The following XKR4 variants were observed in gnomAD, a reference collection of about 807,000 sequenced individuals.
XKR4 encodes the protein XK related 4, also known as XK-related protein 4.
In XKR4, 12 loss-of-function variants were observed where a neutral mutation model predicts 53.9. The observed-to-expected ratio is 0.22, with a 90% CI of 0.14 to 0.36. The LOEUF (loss-of-function observed/expected upper bound fraction) is 0.36, where lower values mean the gene tolerates loss of function less well. Among genes scored for constraint, XKR4 ranks in the 10% least tolerant of loss-of-function variants. The pLI, the probability that XKR4 is intolerant of heterozygous loss-of-function variation, is 1.00. For synonymous variants in XKR4, 354 were observed against 362.4 expected, an observed-to-expected ratio of 0.98 and a Z score of 0.26; for missense variants, 799 against 859.5, an observed-to-expected ratio of 0.93 and a Z score of 0.88.
At chr8:55,400,650 C>G (rs1804585460) in intron 2 of XKR4, among the ~76,000 whole-genome samples, 1 of 152,156 alleles carries the variant, frequency 6.6e-6, no homozygotes. Context: ...ATCCAATGAT[C>G]TAATCTAAAC....
intron 1 of XKR4, among the ~76,000 whole-genome samples, chr8:55,196,379 C>CTCCATG (rs1817508301): frequency 6.6e-6 from 1 of 152,014 alleles, no homozygotes; most frequent in Non-Finnish European, 1.5e-5. Context: ...GATGGGGTTT[C>CTCCATG]TCCATGTCGG....
At chr8:55,237,460 C>A (rs571993113) in intron 1 of XKR4, among the ~76,000 whole-genome samples, 1 of 152,098 alleles carries the variant, frequency 6.6e-6, no homozygotes, top group Non-Finnish European at 1.5e-5. Flanking sequence ...AATATACTTG[C>A]TATTCATTGA....
chr8:55,254,100 G>T (rs544680882), intron 1 of XKR4, among the ~76,000 whole-genome samples: 2 of 151,806 alleles, frequency 1.3e-5, no homozygotes, highest in Non-Finnish European at 2.9e-5. Context: ...AAATGAGAGC[G>T]CTTGCTGTAG....
chr8:55,374,787 T>C (rs1337156559), intron 2 of XKR4, among the ~76,000 whole-genome samples: 1 of 152,116 alleles, frequency 6.6e-6, no homozygotes, highest in African/African-American at 2.4e-5. Context: ...AGGAAATAAA[T>C]GAAGAATGCA....
At chr8:55,124,470 G>T (rs1480774) in intron 1 of XKR4, among the ~76,000 whole-genome samples, 123,393 of 152,174 alleles carry the variant, frequency 0.81, 50,230 homozygotes, top group East Asian at 0.93. Context: ...TAAAGCTCAT[G>T]ATTGTTTATT....
intron 1 of XKR4, among the ~76,000 whole-genome samples, chr8:55,356,706 G>A (rs1000862984): frequency 2.0e-5 from 3 of 152,120 alleles, no homozygotes; most frequent in African/African-American, 7.2e-5. Flanking sequence ...GTGACAGGAC[G>A]TAAGTGGAGG....
At chr8:55,433,210 G>C (rs1214197584) in intron 2 of XKR4, among the ~76,000 whole-genome samples, 1 of 152,130 alleles carries the variant, frequency 6.6e-6, no homozygotes, top group African/African-American at 2.4e-5. Context: ...CTATCTAAAT[G>C]CAATTGGTTT....
intron 2 of XKR4, among the ~76,000 whole-genome samples, chr8:55,408,727 A>G (rs1804727237): frequency 6.6e-6 from 1 of 152,188 alleles, no homozygotes; most frequent in Non-Finnish European, 1.5e-5. Flanking sequence ...TGGAGCCACA[A>G]GCCGGGTGCG....
chr8:55,524,546 C>CAAATCA lies in XKR4; in HGVS notation c.*320_*321insAATCAA. The CAAATCA allele has an allele frequency of 3.1e-6, 1 of 325,072 alleles. No individual in the cohort carries two copies. Among genetic ancestry groups the CAAATCA allele is most frequent in the Non-Finnish European group, 5.6e-6 (1 of 177,010 alleles). The allele number at this position is 325,072 out of a possible 1,614,324, so 20.1% of individuals were successfully genotyped here. Reference sequence around the variant, plus strand: ...ATTATGGAAAAATTTTGCCTCCAATCATTAGGGTGTCTTGATGGCGTTAAC... The same window carrying CAAATCA: ...ATTATGGAAAAATTTTGCCTCCAATCAAATCAATTAGGGTGTCTTGATGGCGTTAAC... On this transcript the variant is annotated 3_prime_UTR_variant, in exon 3 of 3. Transcript: ENST00000327381.
chr8:55,174,407 G>T (rs773342131), intron 1 of XKR4, among the ~76,000 whole-genome samples: 1 of 152,102 alleles, frequency 6.6e-6, no homozygotes, highest in African/African-American at 2.4e-5. Context: ...ATCTCACAAA[G>T]AACTAAAGGA....
chr8:55,450,089 G>A (rs1020913688), intron 2 of XKR4: 6 of 716,742 alleles, frequency 8.4e-6, no homozygotes, highest in East Asian at 2.9e-5. Flanking sequence ...GCCTTCACGC[G>A]GTCCCAGGTG....
At chr8:55,465,947 A>G (rs1292530921) in intron 2 of XKR4, among the ~76,000 whole-genome samples, 10 of 152,130 alleles carry the variant, frequency 6.6e-5, no homozygotes, top group Admixed American at 1.3e-4. Context: ...ATACCATCTC[A>G]CACCAGTTAG....
At chr8:55,163,717 T>A (rs1817018832) in intron 1 of XKR4, among the ~76,000 whole-genome samples, 1 of 152,020 alleles carries the variant, frequency 6.6e-6, no homozygotes, top group Admixed American at 6.6e-5. Context: ...TGATGGCAGG[T>A]GCCCATAATC....
At chr8:55,312,862 G>T (rs942836791) in intron 1 of XKR4, among the ~76,000 whole-genome samples, 2 of 152,160 alleles carry the variant, frequency 1.3e-5, no homozygotes, top group Admixed American at 1.3e-4. Context: ...ATGGCGTCAA[G>T]ACAAGGAGAA....
intron 1 of XKR4, among the ~76,000 whole-genome samples, chr8:55,164,983 G>A (rs1271182473): frequency 2.0e-5 from 3 of 152,026 alleles, no homozygotes; most frequent in African/African-American, 4.8e-5. Flanking sequence ...GAGGCAAGGT[G>A]GTCATTTCTT....
intron 1 of XKR4, among the ~76,000 whole-genome samples, chr8:55,344,809 T>C (rs1803611031): frequency 2.0e-5 from 3 of 152,246 alleles, no homozygotes; most frequent in African/African-American, 7.2e-5. Context: ...AGAAATTATT[T>C]AATAGAGAAA....
chr8:55,181,181 G>C lies in XKR4; in HGVS notation c.806+77887G>C, dbSNP rs557262469. On this transcript the variant is annotated intron_variant, in intron 1 of 2. Coordinates refer to ENST00000327381, the MANE Select transcript of XKR4 (RefSeq NM_052898.2). ...TTTCTGATGTTGTTTTGGTACTTAA[G>C]CTTAAATGTCAAATAAGCATCTAGA... 5.3e-5 allele frequency among the ~76,000 whole-genome samples: 8 copies of C among 152,180 alleles called. No individual in the cohort carries two copies. The South Asian group carries it at 1.7e-3, about 32-fold the overall frequency.
intron 1 of XKR4, among the ~76,000 whole-genome samples, chr8:55,247,919 A>C (rs1235888292): frequency 7.5e-6 from 1 of 132,510 alleles, no homozygotes; most frequent in Non-Finnish European, 1.6e-5. Flanking sequence ...GCAGTGGCAC[A>C]GTCTCGGCTC....
At chr8:55,347,020 T>C (rs1462781418) in intron 1 of XKR4, among the ~76,000 whole-genome samples, 6 of 152,334 alleles carry the variant, frequency 3.9e-5, no homozygotes, top group African/African-American at 1.2e-4. Context: ...GGGATTGAAA[T>C]ATTTATCTTA....
Sources: allele counts gnomAD v4.1 joint callset (sites outside exome capture counted in the v4.1 genomes callset), GRCh38; gene constraint gnomAD v4.1.1; transcripts MANE v1.5; gene names NCBI Gene and HGNC (gene_info 2026-07-23, HGNC 2026-07-21).